The following RAD54B variants were observed in gnomAD, a reference collection of about 807,000 sequenced individuals.
The protein encoded by RAD54B is RAD54 homolog B.
A neutral mutation model predicts 95.8 loss-of-function variants in RAD54B; 78 were observed. The observed-to-expected ratio is 0.81, with a 90% CI of 0.68 to 0.98. The LOEUF (loss-of-function observed/expected upper bound fraction) is 0.98. Among genes scored for constraint, RAD54B ranks in the 50% least tolerant of loss-of-function variants. The pLI is 0.00. For synonymous variants in RAD54B, 328 were observed against 354.9 expected (o/e 0.92, Z 0.85); for missense variants, 957 against 1,056.6 (o/e 0.91, Z 1.31).
intron 8 of RAD54B, among the ~76,000 whole-genome samples, chr8:94,396,524 T>C (rs1177590798): frequency 6.6e-6 from 1 of 152,122 alleles, no homozygotes; most frequent in Non-Finnish European, 1.5e-5. Context: ...GAGAGCTTTT[T>C]ATACACATTT....
chr8:94,417,406 G>C, intron 3 of RAD54B, among the ~76,000 whole-genome samples: 1 of 149,304 alleles, frequency 6.7e-6, no homozygotes, highest in Non-Finnish European at 1.5e-5. Context: ...TATGTTAATT[G>C]TATCTCAATA....
At chr8:94,419,181 C>T (rs1811742158) in intron 3 of RAD54B, among the ~76,000 whole-genome samples, 1 of 152,052 alleles carries the variant, frequency 6.6e-6, no homozygotes, top group African/African-American at 2.4e-5. Context: ...AAAAAATAGG[C>T]ATAAAAGAAT....
chr8:94,435,496 T>C (rs1054181626), intron 3 of RAD54B, among the ~76,000 whole-genome samples: 8 of 152,094 alleles, frequency 5.3e-5, no homozygotes, highest in African/African-American at 1.9e-4. Context: ...AAAAGCACAT[T>C]GTGTAAAGCT....
At chr8:94,398,476 G>A (rs574224145) in intron 8 of RAD54B, among the ~76,000 whole-genome samples, 199 of 152,006 alleles carry the variant, frequency 1.3e-3, no homozygotes, top group Non-Finnish European at 2.5e-3. Context: ...CAAGTTTTTG[G>A]TCATACTCCT....
Position 94,414,855 on chromosome 8 carries a change from T to G in RAD54B, c.305-3540A>C, listed in dbSNP as rs1049748038. Among the ~76,000 whole-genome samples, 171 of 152,068 alleles carry G rather than the reference T, an allele frequency of 1.1e-3. 1 individual carries two copies. The highest frequency in any genetic ancestry group is 3.9e-3 in the African/African-American group (162 of 41,472). On this transcript the variant is annotated intron_variant, in intron 3 of 14. Transcript: ENST00000336148. ...AGGAGAACTACAAACCACTGCTCAA[T>G]GAAATAAAAGAGGATACAAACAAAT...
intron 3 of RAD54B, among the ~76,000 whole-genome samples, chr8:94,420,598 C>T (rs1811781481): frequency 6.6e-6 from 1 of 151,882 alleles, no homozygotes; most frequent in South Asian, 2.1e-4. Context: ...GGGGAAAAAA[C>T]ATAGCATGGA....
At chr8:94,459,940 C>CTT in intron 2 of RAD54B, among the ~76,000 whole-genome samples, 1 of 150,914 alleles carries the variant, frequency 6.6e-6, no homozygotes, top group South Asian at 2.1e-4. Context: ...AGGCAGATCA[C>CTT]GAGGTCAGGA....
At chr8:94,396,271 T>C (rs946337804) in intron 8 of RAD54B, among the ~76,000 whole-genome samples, 3 of 149,840 alleles carry the variant, frequency 2.0e-5, no homozygotes, top group Non-Finnish European at 3.0e-5. Context: ...AAAAAAAAAC[T>C]AAAGATTTTC....
At chr8:94,378,148 C>A in intron 14 of RAD54B, 32 bp downstream of exon 14, 1 of 1,451,174 alleles carries the variant, frequency 6.9e-7, no homozygotes, top group Non-Finnish European at 9.4e-7. Flanking sequence ...ATTAACTTTA[C>A]TACATAGTAA....
chr8:94,447,839 C>T (rs1812558341), intron 3 of RAD54B, among the ~76,000 whole-genome samples: 2 of 152,138 alleles, frequency 1.3e-5, no homozygotes, highest in South Asian at 4.1e-4. Context: ...ACCCATCCTG[C>T]AGATGACAGA....
At chr8:94,453,610 A>G (rs1311025233) in intron 3 of RAD54B, among the ~76,000 whole-genome samples, 3 of 152,214 alleles carry the variant, frequency 2.0e-5, no homozygotes, top group Non-Finnish European at 4.4e-5. Context: ...GTAAAAATGC[A>G]ATGTATAGAA....
rs1238932031 is a variant in RAD54B at position 94,467,691 on chromosome 8, A to G, written c.-16-136T>C. The stretch of plus-strand genomic sequence containing the variant: ...GCCTGCCTGGCCCCCCAAGCATAGA[A>G]ACAAAAGGAAAATCTTCAGTTCCTT... On this transcript the variant is annotated intron_variant, in intron 1 of 14. Transcript: ENST00000336148. 4 of 835,414 alleles carry G rather than the reference A, an allele frequency of 4.8e-6. No homozygotes were observed. The East Asian group carries it at 1.1e-4, about 23-fold the overall frequency. The allele number at this position is 835,414 out of a possible 1,614,324, so 51.8% of individuals were successfully genotyped here.
rs892002175 is a variant in RAD54B at position 94,437,073 on chromosome 8, A to G, written c.304+21195T>C. ...TCTGCTTAAGCCAAGCCTGACCTAC[A>G]TAAAGCTTCTCACTGAAGAAGACAG... On this transcript the variant is annotated intron_variant, in intron 3 of 14. Transcript: ENST00000336148. 2.1e-5 allele frequency: 21 copies of G among 995,120 alleles called. No homozygotes were observed. The African/African-American group carries it at 3.5e-4, about 17-fold the overall frequency. 61.6% of individuals were successfully genotyped at this position (995,120 alleles called of 1,614,324 possible). A position where few individuals can be genotyped will look rare whatever the true frequency, so the allele number is the denominator to read the frequency against.
chr8:94,467,811 T>C (rs1813068309), intron 1 of RAD54B: 2 of 278,648 alleles, frequency 7.2e-6, no homozygotes, highest in Non-Finnish European at 1.3e-5. Flanking sequence ...TGAGGGAAGT[T>C]AGATTGACAA....
chr8:94,372,481 T>C (rs774013947), intron 14 of RAD54B, 94 bp from the exon 15 acceptor site: 86 of 1,513,020 alleles, frequency 5.7e-5, no homozygotes, highest in Non-Finnish European at 7.2e-5. Flanking sequence ...GTTTATGTGA[T>C]TTATTACATT....
intron 3 of RAD54B, chr8:94,429,145 A>G (rs1812019616): frequency 1.0e-6 from 1 of 973,734 alleles, no homozygotes; most frequent in African/African-American, 1.8e-5. Context: ...TGGTGTTTAA[A>G]AATATGTAAA....
At chr8:94,425,061 CAAA>C (rs71273335) in intron 3 of RAD54B, among the ~76,000 whole-genome samples, 6 of 82,358 alleles carry the variant, frequency 7.3e-5, no homozygotes, top group Non-Finnish European at 7.1e-5. Flanking sequence ...GACCCCATCT[CAAA>C]AAAAAAAAAA....
chr8:94,413,833 T>C (rs1811586901), intron 3 of RAD54B, among the ~76,000 whole-genome samples: 3 of 61,362 alleles, frequency 4.9e-5, no homozygotes, highest in Non-Finnish European at 1.1e-4. Context: ...TATTCTTTTT[T>C]TTTTTTCTTT....
chr8:94,418,859 C>T lies in RAD54B; in HGVS notation c.305-7544G>A, dbSNP rs567524188. Among the ~76,000 whole-genome samples the T allele has an allele frequency of 2.0e-5, 3 of 152,268 alleles. No homozygotes were observed. The South Asian group carries it at 6.2e-4, about 32-fold the overall frequency. On this transcript the variant is annotated intron_variant, in intron 3 of 14. Transcript: ENST00000336148. ...TGAGTTTTCAGCTTAATTTTGATAG[C>T]TTTGACTATCATAAAGCTTCTATGA...
Sources: allele counts gnomAD v4.1 joint callset (sites outside exome capture counted in the v4.1 genomes callset), GRCh38; gene constraint gnomAD v4.1.1; transcripts MANE v1.5; gene names NCBI Gene and HGNC (gene_info 2026-07-23, HGNC 2026-07-21).